Variants in APPBP2 observed in about 807,000 individuals in gnomAD.
The protein encoded by APPBP2 is amyloid protein-binding protein 2.
A neutral mutation model predicts 76.0 loss-of-function variants in APPBP2; 15 were observed. The ratio of observed to expected loss-of-function variants is 0.20; its 90% CI spans 0.13 to 0.30. The LOEUF (loss-of-function observed/expected upper bound fraction) is 0.30, where lower values mean the gene tolerates loss of function less well. APPBP2 is among the 10% of genes least tolerant of loss of function. The pLI, the probability that APPBP2 is intolerant of heterozygous loss-of-function variation, is 1.00. For missense variants in APPBP2, 401 were observed against 687.2 expected (o/e 0.58, Z 4.66); for synonymous variants, 222 against 242.2 (o/e 0.92, Z 0.77).
At chr17:60,453,536 GT>G (rs544790789) in intron 11 of APPBP2, among the ~76,000 whole-genome samples, 14 of 140,424 alleles carry the variant, frequency 1.0e-4, no homozygotes, top group Admixed American at 1.4e-4. Flanking sequence ...TCATGATCCT[GT>G]TTTTTTTTTT....
At chr17:60,468,824 A>C (rs2090529914) in intron 4 of APPBP2, among the ~76,000 whole-genome samples, 1 of 152,188 alleles carries the variant, frequency 6.6e-6, no homozygotes, top group South Asian at 2.1e-4. Flanking sequence ...TCATAACATA[A>C]AATTATGTCT....
At chr17:60,474,858 T>A (rs144110607) in intron 4 of APPBP2, among the ~76,000 whole-genome samples, 1 of 152,308 alleles carries the variant, frequency 6.6e-6, no homozygotes, top group East Asian at 1.9e-4. Flanking sequence ...ACCACTGTTT[T>A]TATACTGTCT....
intron 4 of APPBP2, 132 bp downstream of exon 4, chr17:60,479,016 T>TA: frequency 1.2e-6 from 1 of 828,306 alleles, no homozygotes; most frequent in Non-Finnish European, 1.8e-6. Flanking sequence ...GATGCCAGAC[T>TA]AGTGAAACTA....
In APPBP2 at chr17:60,466,244, T is replaced by G. The variant is rs76427456; in HGVS notation, c.672+47A>C. ...AGACTATTTGATTTACCCTCTGTTT[T>G]TATAGGTACTTATTGGTCACAGTGA... On this transcript the variant is annotated intron_variant, in intron 5 of 12. Coordinates refer to ENST00000083182, the MANE Select transcript of APPBP2 (RefSeq NM_006380.5). The G allele has an allele frequency of 1.3e-3, 2,046 of 1,541,332 alleles. 57 individuals are homozygous for G. The East Asian group carries it at 0.043, about 32-fold the overall frequency.
chr17:60,514,922 G>T (rs2090950637), intron 1 of APPBP2, among the ~76,000 whole-genome samples: 1 of 151,928 alleles, frequency 6.6e-6, no homozygotes, highest in African/African-American at 2.4e-5. Context: ...TTCTGCCTTA[G>T]CCTCCCAAGT....
At chr17:60,449,002 T>C (rs1247250276) in intron 12 of APPBP2, among the ~76,000 whole-genome samples, 2 of 152,230 alleles carry the variant, frequency 1.3e-5, no homozygotes, top group Admixed American at 1.3e-4. Flanking sequence ...AACCTAATTG[T>C]TGTGCAAAAG....
intron 4 of APPBP2, among the ~76,000 whole-genome samples, chr17:60,470,432 A>G (rs1001507334): frequency 6.6e-6 from 1 of 151,810 alleles, no homozygotes; most frequent in Admixed American, 6.6e-5. Flanking sequence ...GCTGATTTTT[A>G]AAAAAATTAT....
chr17:60,450,455 A>G, intron 12 of APPBP2, among the ~76,000 whole-genome samples: 1 of 146,118 alleles, frequency 6.8e-6, no homozygotes, highest in African/African-American at 2.7e-5. Context: ...AAAAAAAAGA[A>G]AATACTGATG....
chr17:60,506,692 C>T (rs1161601576), intron 1 of APPBP2, among the ~76,000 whole-genome samples: 1 of 152,176 alleles, frequency 6.6e-6, no homozygotes, highest in Admixed American at 6.5e-5. Flanking sequence ...ATTCCCAATA[C>T]CTAGCACAGT....
intron 12 of APPBP2, among the ~76,000 whole-genome samples, chr17:60,450,531 G>A (rs2090386834): frequency 1.3e-5 from 2 of 151,928 alleles, no homozygotes. Context: ...CACTTTGGGA[G>A]GCTGAGGTAG....
At chr17:60,466,666 C>A (rs1327050153) in intron 4 of APPBP2, among the ~76,000 whole-genome samples, 1 of 152,144 alleles carries the variant, frequency 6.6e-6, no homozygotes, top group Non-Finnish European at 1.5e-5. Flanking sequence ...TAATTCATCT[C>A]ATCAATTGTT....
chr17:60,501,934 G>C (rs1207702399), intron 1 of APPBP2, among the ~76,000 whole-genome samples: 2 of 152,126 alleles, frequency 1.3e-5, no homozygotes, highest in African/African-American at 4.8e-5. Flanking sequence ...CTCCTGGAGG[G>C]GAGAGGGGAC....
chr17:60,518,619 C>A (rs115013238), intron 1 of APPBP2, among the ~76,000 whole-genome samples: 2 of 151,866 alleles, frequency 1.3e-5, no homozygotes, highest in Admixed American at 1.3e-4. Flanking sequence ...CAGGCCCAAG[C>A]GATCCTCCTG....
chr17:60,456,264 TA>T (rs776319468), intron 10 of APPBP2, 31 bp downstream of exon 10: 9 of 1,381,786 alleles, frequency 6.5e-6, no homozygotes, highest in Non-Finnish European at 8.2e-6. Flanking sequence ...TCATCTATTT[TA>T]AAATATCTGA....
At chr17:60,521,255 T>C (rs140394500) in intron 1 of APPBP2, among the ~76,000 whole-genome samples, 4 of 152,384 alleles carry the variant, frequency 2.6e-5, no homozygotes, top group African/African-American at 9.6e-5. Context: ...CATAAGATTA[T>C]AATAGAGCCA....
At chr17:60,497,595 C>G (rs1279818470) in intron 2 of APPBP2, among the ~76,000 whole-genome samples, 1 of 152,010 alleles carries the variant, frequency 6.6e-6, no homozygotes, top group Non-Finnish European at 1.5e-5. Flanking sequence ...ATCAAAGTAT[C>G]TTATGTAACC....
rs746715643 is a variant in APPBP2, at chr17:60,489,610, C to CAAA, written c.379+4853_379+4855dup. ...TGGGCGACAGAGTGGGACCATGTCT[C>CAAA]AAAAAAAAAAAAAAAAAAAAAGATT... On this transcript the variant is annotated intron_variant, in intron 3 of 12. Transcript: ENST00000083182. Among the ~76,000 whole-genome samples, 73 of 53,504 alleles carry CAAA rather than the reference C, an allele frequency of 1.4e-3. 2 individuals are homozygous for CAAA. The highest frequency in any genetic ancestry group is 3.9e-3 in the African/African-American group (71 of 18,044). The allele number at this position is 53,504 out of a possible 152,430, so 35.1% of individuals were successfully genotyped here.
chr17:60,484,747 A>G (rs577566325), intron 3 of APPBP2, among the ~76,000 whole-genome samples: 121 of 152,282 alleles, frequency 7.9e-4, no homozygotes, highest in African/African-American at 2.6e-3. Flanking sequence ...CCTGGCCAGA[A>G]CTTCCAACAC....
chr17:60,470,198 T>C (rs1461661537), intron 4 of APPBP2, among the ~76,000 whole-genome samples: 1 of 152,190 alleles, frequency 6.6e-6, no homozygotes, highest in Non-Finnish European at 1.5e-5. Context: ...TATCTTTTCA[T>C]GTGCTTACCG....
Sources: gnomAD v4.1 joint callset for allele counts (sites outside exome capture counted in the v4.1 genomes callset) on GRCh38, gnomAD v4.1.1 for gene constraint, MANE v1.5 for transcripts, NCBI Gene and HGNC (gene_info 2026-07-23, HGNC 2026-07-21) for gene names.